The following SNX25 variants were observed in gnomAD, a reference collection of about 807,000 sequenced individuals.
SNX25 encodes the protein sorting nexin 25.
Under a neutral mutation model 113.7 loss-of-function variants are expected in SNX25, and 62 were observed. The observed-to-expected ratio is 0.55, with a 90% CI of 0.44 to 0.67. SNX25 has a LOEUF of 0.67. SNX25 is among the 30% of genes least tolerant of loss of function. The probability of loss-of-function intolerance (pLI) is 0.00; values close to 1 mark genes in which losing one functional copy is unlikely to be tolerated. For synonymous variants in SNX25, 421 were observed against 436.2 expected (o/e 0.97, Z 0.43); for missense variants, 1,014 against 1,161.0 (o/e 0.87, Z 1.84).
At chr4:185,330,318 T>C (rs186404893) in intron 9 of SNX25, among the ~76,000 whole-genome samples, 1 of 152,306 alleles carries the variant, frequency 6.6e-6, no homozygotes, top group Non-Finnish European at 1.5e-5. Context: ...ATGTCTCTGG[T>C]CAGGGAGGGA....
intron 1 of SNX25, among the ~76,000 whole-genome samples, chr4:185,215,916 C>A (rs761066453): frequency 6.6e-6 from 1 of 151,872 alleles, no homozygotes; most frequent in Non-Finnish European, 1.5e-5. Flanking sequence ...CCCACCTCAC[C>A]CTCCCGAGTA....
Position 185,331,502 on chromosome 4 carries a change from C to T in SNX25, c.1750-1093C>T, listed in dbSNP as rs138057031. Among the ~76,000 whole-genome samples, 1,051 of 152,144 alleles carry T rather than the reference C, an allele frequency of 6.9e-3. 16 individuals are homozygous for T. The highest frequency in any genetic ancestry group is 0.022 in the African/African-American group (928 of 41,496). On this transcript the variant is annotated intron_variant, in intron 9 of 18. Transcript: ENST00000652585. ...CAACCAGTTAAAAGAACATATGGGC[C>T]GGGCACAGTGGCTCACATCTGTAAT...
chr4:185,277,100 G>T (rs1749814443), intron 5 of SNX25, among the ~76,000 whole-genome samples: 1 of 152,068 alleles, frequency 6.6e-6, no homozygotes, highest in Non-Finnish European at 1.5e-5. Flanking sequence ...TCTCAGCTCA[G>T]TGCAACCTCT....
chr4:185,300,866 C>CACACACACACAG (rs1306853345), intron 6 of SNX25, among the ~76,000 whole-genome samples: 1 of 151,282 alleles, frequency 6.6e-6, no homozygotes, highest in Non-Finnish European at 1.5e-5. Flanking sequence ...CACACACACA[C>CACACACACACAG]ACACACACAG....
At chr4:185,374,031 T>C, downstream of SNX25, 4 of 904,442 alleles carry the variant, frequency 4.4e-6, no homozygotes, top group South Asian at 1.6e-5. Context: ...AAAGGAACTA[T>C]AAGAGATATT....
intron 11 of SNX25, among the ~76,000 whole-genome samples, chr4:185,369,106 T>C (rs2095404951): frequency 6.6e-6 from 1 of 151,176 alleles, no homozygotes; most frequent in African/African-American, 2.4e-5. Flanking sequence ...TTTTTGTTGT[T>C]CTAGTCAGGA....
upstream of SNX25, chr4:185,209,283 T>A (rs889568774): frequency 6.6e-6 from 1 of 152,278 alleles, no homozygotes; most frequent in Non-Finnish European, 1.5e-5. This position sits in a 1 kb window ranked among gnomAD's most constrained non-coding sequence, Gnocchi z 5.2. Context: ...GCGAAGAGGT[T>A]ACTCGTCAGT....
intron 2 of SNX25, among the ~76,000 whole-genome samples, chr4:185,250,834 A>G (rs1560934818): frequency 6.6e-6 from 1 of 151,850 alleles, no homozygotes; most frequent in Non-Finnish European, 1.5e-5. Context: ...AGATTTCCAA[A>G]TTATTTTCTA....
At chr4:185,284,037 T>G (rs148440670) in intron 5 of SNX25, among the ~76,000 whole-genome samples, 501 of 152,354 alleles carry the variant, frequency 3.3e-3, no homozygotes, top group African/African-American at 0.011. Flanking sequence ...AAATGTTGAC[T>G]CTTGTTAATT....
Position 185,334,081 on chromosome 4 carries a change from G to A in SNX25, c.1914+1322G>A, listed in dbSNP as rs931714839. 5.3e-5 allele frequency among the ~76,000 whole-genome samples: 8 copies of A among 150,490 alleles called. No homozygotes were observed. The highest frequency in any genetic ancestry group is 2.0e-4 in the African/African-American group (8 of 40,856). On this transcript the variant is annotated intron_variant, in intron 10 of 18. Transcript: ENST00000652585. This position sits in a 1 kb window ranked among gnomAD's most constrained non-coding sequence, Gnocchi z 4.2. ...TGGCTAGGCGCGGTGGCTCACACCTGTAATCCCAGCACTTTAGGAGGCCGA... is the reference window on the plus strand; with the variant it reads ...TGGCTAGGCGCGGTGGCTCACACCTATAATCCCAGCACTTTAGGAGGCCGA...
intron 7 of SNX25, among the ~76,000 whole-genome samples, chr4:185,314,584 G>A (rs775375496): frequency 7.2e-5 from 11 of 152,214 alleles, no homozygotes; most frequent in Admixed American, 1.3e-4. Flanking sequence ...TGGAGGCTGG[G>A]CGCAGTGGCT....
chr4:185,367,157 T>C (rs1273627478), downstream of SNX25: 3 of 1,596,638 alleles, frequency 1.9e-6, no homozygotes, highest in Non-Finnish European at 2.6e-6. Context: ...GCATTGATGA[T>C]CTTTGTTGAA....
At chr4:185,285,087 T>C (rs1381448896) in intron 5 of SNX25, among the ~76,000 whole-genome samples, 1 of 152,190 alleles carries the variant, frequency 6.6e-6, no homozygotes, top group Non-Finnish European at 1.5e-5. Flanking sequence ...GACTCATAAG[T>C]CTACCATTTT....
chr4:185,234,805 A>G (rs1742376727), intron 1 of SNX25, among the ~76,000 whole-genome samples: 1 of 152,240 alleles, frequency 6.6e-6, no homozygotes, highest in African/African-American at 2.4e-5. Flanking sequence ...CTTCAAATGC[A>G]TAATAATTCA....
rs369613640 is a variant in SNX25 at position 185,234,681 on chromosome 4, CA to C, written c.430-12592del. Among the ~76,000 whole-genome samples, 54 of 16,146 alleles carry C rather than the reference CA, an allele frequency of 3.3e-3. 7 individuals are homozygous for C. The highest frequency in any genetic ancestry group is 6.2e-3 in the African/African-American group (30 of 4,840). 10.6% of individuals were successfully genotyped at this position (16,146 alleles called of 152,430 possible). On this transcript the variant is annotated intron_variant, in intron 1 of 18. Transcript: ENST00000652585. Reference sequence around the variant, plus strand: ...TGGGCGACAGAGCGAGACTCTGTCTCAAAAAAAAAAAAAAAAAAAAAGTTTA... The same window carrying C: ...TGGGCGACAGAGCGAGACTCTGTCTCAAAAAAAAAAAAAAAAAAAAGTTTA...
At chr4:185,205,525 G>A (rs1032857883), upstream of SNX25, among the ~76,000 whole-genome samples, 7 of 152,052 alleles carry the variant, frequency 4.6e-5, no homozygotes, top group African/African-American at 1.7e-4. Context: ...CCACTTTCCA[G>A]GGATAGTTGT....
chr4:185,367,181 TA>T, downstream of SNX25: 1 of 1,612,048 alleles, frequency 6.2e-7, no homozygotes, highest in South Asian at 1.1e-5. Context: ...CATTGTGGTC[TA>T]AATTCTTTGA....
chr4:185,233,649 G>A (rs988591186), intron 1 of SNX25, among the ~76,000 whole-genome samples: 1 of 151,886 alleles, frequency 6.6e-6, no homozygotes, highest in African/African-American at 2.4e-5. Context: ...TAGTCAAACT[G>A]CTATCTGCCT....
intron 1 of SNX25, among the ~76,000 whole-genome samples, chr4:185,240,163 C>T (rs1743501887): frequency 1.3e-5 from 2 of 151,982 alleles, no homozygotes; most frequent in Non-Finnish European, 2.9e-5. Context: ...CCCATGTCTA[C>T]CTCTTTCTAC....
Sources: allele counts gnomAD v4.1 joint callset (sites outside exome capture counted in the v4.1 genomes callset), GRCh38; gene constraint gnomAD v4.1.1; non-coding constraint Gnocchi (gnomAD v3.1); transcripts MANE v1.5; gene names NCBI Gene and HGNC (gene_info 2026-07-23, HGNC 2026-07-21).